JMJD1C: variants seen among roughly 807,000 people sequenced by gnomAD.
JMJD1C encodes the protein jumonji domain-containing protein 1C.
A neutral mutation model predicts 245.3 loss-of-function variants in JMJD1C; 31 were observed. The observed-to-expected ratio is 0.13, with a 90% CI of 0.09 to 0.17. The LOEUF is 0.17. Ranked by LOEUF, JMJD1C falls within the 10% of genes least tolerant of loss-of-function variation. The pLI, the probability that JMJD1C is intolerant of heterozygous loss-of-function variation, is 1.00. For synonymous variants in JMJD1C, 1,057 were observed against 1,017.4 expected (o/e 1.04, Z -0.74); for missense variants, 2,691 against 3,000.2 (o/e 0.90, Z 2.41).
At chr10:63,247,625 T>C (rs576096560) in intron 3 of JMJD1C, among the ~76,000 whole-genome samples, 7 of 144,064 alleles carry the variant, frequency 4.9e-5, no homozygotes, top group Admixed American at 4.3e-4. Flanking sequence ...CCCAGCTACT[T>C]GGAGGTTGAG....
At chr10:63,218,727 T>C (rs970262042) in intron 4 of JMJD1C, among the ~76,000 whole-genome samples, 2 of 152,042 alleles carry the variant, frequency 1.3e-5, no homozygotes, top group Admixed American at 1.3e-4. Flanking sequence ...TTTTAAAAAT[T>C]TGCCTGGTTT....
chr10:63,436,491 A>T (rs1274257446), intron 1 of JMJD1C, among the ~76,000 whole-genome samples: 1 of 152,150 alleles, frequency 6.6e-6, no homozygotes, highest in Non-Finnish European at 1.5e-5. Context: ...AGTACCTTGA[A>T]ATCTGAACAG....
intron 10 of JMJD1C, 100 bp from the exon 11 acceptor site, chr10:63,200,777 G>A (rs1845920177): frequency 2.1e-6 from 2 of 945,658 alleles, no homozygotes; most frequent in Non-Finnish European, 3.2e-6. Flanking sequence ...TGATGATACG[G>A]TAAGACTTTA....
intron 2 of JMJD1C, among the ~76,000 whole-genome samples, chr10:63,276,170 G>C (rs959590434): frequency 6.6e-6 from 1 of 152,074 alleles, no homozygotes; most frequent in Non-Finnish European, 1.5e-5. Context: ...CAAGACATTA[G>C]AGATAGGCAG....
chr10:63,250,925 T>TA (rs1388677025), intron 3 of JMJD1C, among the ~76,000 whole-genome samples: 1 of 152,132 alleles, frequency 6.6e-6, no homozygotes, highest in African/African-American at 2.4e-5. Context: ...TTTTTATTTT[T>TA]AGAGACAGGG....
chr10:63,492,664 G>T (rs1211476825), intron 1 of JMJD1C, among the ~76,000 whole-genome samples: 1 of 151,848 alleles, frequency 6.6e-6, no homozygotes, highest in Non-Finnish European at 1.5e-5. Context: ...GACAGAGTGA[G>T]GCTCTGTCTC....
intron 2 of JMJD1C, among the ~76,000 whole-genome samples, chr10:63,287,394 G>A (rs879542176): frequency 2.0e-5 from 3 of 152,156 alleles, no homozygotes; most frequent in Non-Finnish European, 2.9e-5. Context: ...TCAATACATT[G>A]ATATCATTTG....
chr10:63,378,005 T>C (rs1946902205), intron 2 of JMJD1C, among the ~76,000 whole-genome samples: 1 of 149,554 alleles, frequency 6.7e-6, no homozygotes, highest in Admixed American at 6.7e-5. Context: ...ATAATATATA[T>C]GAGTTATCTC....
At chr10:63,202,470 TCTC>T (rs1261341891) in intron 10 of JMJD1C, 2 of 985,134 alleles carry the variant, frequency 2.0e-6, no homozygotes, top group Non-Finnish European at 2.4e-6. Flanking sequence ...GTACAGCTAT[TCTC>T]CTGAGACTAC....
intron 24 of JMJD1C, among the ~76,000 whole-genome samples, 161 bp from the exon 25 acceptor site, chr10:63,168,727 G>C (rs548056172): frequency 7.9e-5 from 12 of 152,318 alleles, no homozygotes; most frequent in African/African-American, 2.2e-4. Context: ...CATTTTATGA[G>C]AAAGTTATGT....
At chr10:63,213,434 A>AAT in intron 8 of JMJD1C, 39 bp downstream of exon 8, 3 of 1,153,404 alleles carry the variant, frequency 2.6e-6, no homozygotes, top group Non-Finnish European at 3.8e-6. Context: ...CATGTTCATT[A>AAT]ATATATACTG....
intron 2 of JMJD1C, among the ~76,000 whole-genome samples, chr10:63,334,516 G>T (rs1942488501): frequency 6.6e-6 from 1 of 152,078 alleles, no homozygotes; most frequent in Non-Finnish European, 1.5e-5. Context: ...GAGCTTAGGA[G>T]TTCAAGACCC....
intron 2 of JMJD1C, among the ~76,000 whole-genome samples, chr10:63,350,024 G>A (rs188777493): frequency 5.9e-5 from 9 of 152,102 alleles, no homozygotes; most frequent in Non-Finnish European, 8.8e-5. Context: ...AGCATCCTAC[G>A]ATGTCATAAA....
chr10:63,168,202 C>CA, intron 25 of JMJD1C, 68 bp from the exon 26 acceptor site: 1 of 1,249,666 alleles, frequency 8.0e-7, no homozygotes, highest in Non-Finnish European at 1.1e-6. Flanking sequence ...TGACAACTTC[C>CA]AGATTTAAAA....
intron 2 of JMJD1C, among the ~76,000 whole-genome samples, chr10:63,326,611 G>A (rs1941550433): frequency 6.6e-6 from 1 of 151,918 alleles, no homozygotes. Context: ...CAGGCACAGT[G>A]GCTCACGCGT....
intron 3 of JMJD1C, among the ~76,000 whole-genome samples, chr10:63,231,234 A>G (rs1489683124): frequency 5.3e-5 from 8 of 152,222 alleles, no homozygotes; most frequent in Non-Finnish European, 1.0e-4. Context: ...TGTGATCCTA[A>G]ATTTCTGTGA....
chr10:63,486,169 C>CAAAAAAA, intron 1 of JMJD1C, among the ~76,000 whole-genome samples: 1 of 36,562 alleles, frequency 2.7e-5, no homozygotes, highest in Admixed American at 3.2e-4. Flanking sequence ...AAAAAAAAAA[C>CAAAAAAA]AAAAAACAGA....
intron 1 of JMJD1C, among the ~76,000 whole-genome samples, chr10:63,504,406 G>A (rs936502698): frequency 5.9e-5 from 9 of 152,102 alleles, no homozygotes; most frequent in African/African-American, 1.7e-4. Flanking sequence ...GAGTCACCAC[G>A]GAATCTGAAT....
Position 63,214,095 on chromosome 10 carries a change from G to A in JMJD1C, c.2072C>T (p.Thr691Ile). The part of the protein sequence containing the change: ...LSRCSFHPIP[T>I]RSSTLETTKS... ...TGTAGTTTCTAATGTACTGCTTCGAGTAGGAATTGGATGAAAACTGCATCT... is the reference window on the plus strand; with the variant it reads ...TGTAGTTTCTAATGTACTGCTTCGAATAGGAATTGGATGAAAACTGCATCT... The change falls in exon 8 of 26, where the codon ACT becomes ATT. Residue 691 changes from threonine to isoleucine, a missense_variant. By Grantham distance (89) the Thr-to-Ile change is moderately conservative. Transcript: ENST00000399262. 1 of 1,614,142 alleles carries A rather than the reference G, an allele frequency of 6.2e-7. No homozygotes were observed. Among genetic ancestry groups the A allele is most frequent in the Non-Finnish European group, 8.5e-7 (1 of 1,179,992 alleles).
Sources: allele counts gnomAD v4.1 joint callset (sites outside exome capture counted in the v4.1 genomes callset), GRCh38; gene constraint gnomAD v4.1.1; transcripts MANE v1.5; gene names NCBI Gene and HGNC (gene_info 2026-07-23, HGNC 2026-07-21).